The following GPATCH2 variants were observed in gnomAD, a reference collection of about 807,000 sequenced individuals.
GPATCH2 encodes G-patch domain containing 2.
A neutral mutation model predicts 58.0 loss-of-function variants in GPATCH2; 51 were observed. The observed-to-expected ratio is 0.88, with a 90% CI of 0.70 to 1.11. The LOEUF is 1.11. Among genes scored for constraint, GPATCH2 ranks in the 50% most tolerant of loss-of-function variants. GPATCH2 has a pLI of 0.00. For synonymous variants in GPATCH2, 222 were observed against 218.5 expected, an observed-to-expected ratio of 1.02 and a Z score of -0.14; for missense variants, 625 against 652.2, an observed-to-expected ratio of 0.96 and a Z score of 0.45.
chr1:217,547,407 C>T (rs1232705383), intron 5 of GPATCH2, among the ~76,000 whole-genome samples: 1 of 151,818 alleles, frequency 6.6e-6, no homozygotes, highest in African/African-American at 2.4e-5. Flanking sequence ...AAAAGGAACA[C>T]TTGTACACTG....
chr1:217,553,815 T>C (rs1025019528), intron 5 of GPATCH2, among the ~76,000 whole-genome samples: 3 of 152,174 alleles, frequency 2.0e-5, no homozygotes, highest in Non-Finnish European at 4.4e-5. Context: ...TGAAATACAA[T>C]GGCATTTTTA....
chr1:217,468,115 G>T (rs1263956726), intron 8 of GPATCH2, among the ~76,000 whole-genome samples: 1 of 152,198 alleles, frequency 6.6e-6, no homozygotes, highest in Non-Finnish European at 1.5e-5. Context: ...TTCCCTACAT[G>T]ATCTGTACCT....
chr1:217,571,950 GAGGAAGGA>G (rs36025374), intron 5 of GPATCH2, among the ~76,000 whole-genome samples: 1 of 137,350 alleles, frequency 7.3e-6, no homozygotes, highest in Non-Finnish European at 1.5e-5. Flanking sequence ...AAAGAAAAGG[GAGGAAGGA>G]AGGAAGGAAG....
chr1:217,576,243 T>TA (rs1471883032), intron 5 of GPATCH2, among the ~76,000 whole-genome samples: 1 of 152,182 alleles, frequency 6.6e-6, no homozygotes, highest in African/African-American at 2.4e-5. Flanking sequence ...TGTAATGAAT[T>TA]AAATTGAACC....
At chr1:217,487,528 C>A (rs965853376) in intron 8 of GPATCH2, among the ~76,000 whole-genome samples, 1 of 150,216 alleles carries the variant, frequency 6.7e-6, no homozygotes, top group Non-Finnish European at 1.5e-5. Flanking sequence ...CGGGTTCAGG[C>A]GATTCTCCTG....
chr1:217,495,380 T>C (rs1410248319), intron 7 of GPATCH2, among the ~76,000 whole-genome samples: 2 of 152,194 alleles, frequency 1.3e-5, no homozygotes, highest in African/African-American at 2.4e-5. Context: ...AGTGCTTCTA[T>C]TGGCAGCCAC....
At chr1:217,432,408 T>C (rs1658584569) in intron 9 of GPATCH2, among the ~76,000 whole-genome samples, 1 of 152,186 alleles carries the variant, frequency 6.6e-6, no homozygotes, top group South Asian at 2.1e-4. Context: ...TCAGAAGTAC[T>C]AGATATCTGA....
At chr1:217,622,516 C>G (rs1012847349) in intron 1 of GPATCH2, among the ~76,000 whole-genome samples, 3 of 152,114 alleles carry the variant, frequency 2.0e-5, no homozygotes, top group African/African-American at 7.2e-5. Context: ...TTTGATTTTT[C>G]CTTTCTAAGG....
At chr1:217,583,696 A>AT (rs1162975180) in intron 5 of GPATCH2, among the ~76,000 whole-genome samples, 3 of 152,080 alleles carry the variant, frequency 2.0e-5, no homozygotes, top group Admixed American at 1.3e-4. Flanking sequence ...GAAGCACAAC[A>AT]TAAAAAAAAG....
intron 5 of GPATCH2, among the ~76,000 whole-genome samples, chr1:217,523,944 G>A (rs183759467): frequency 0.038 from 3,569 of 94,524 alleles, 181 homozygotes; most frequent in East Asian, 0.11. Flanking sequence ...TTGGCCGGGC[G>A]GGGGGCTGAC....
intron 5 of GPATCH2, among the ~76,000 whole-genome samples, chr1:217,546,596 C>A (rs972018321): frequency 6.6e-6 from 1 of 152,106 alleles, no homozygotes; most frequent in Non-Finnish European, 1.5e-5. Flanking sequence ...ACAGCATATA[C>A]AAAAATTGTG....
chr1:217,471,716 T>G (rs543349461), intron 8 of GPATCH2, among the ~76,000 whole-genome samples: 30 of 152,202 alleles, frequency 2.0e-4, no homozygotes, highest in Non-Finnish European at 3.1e-4. Flanking sequence ...TGTCACTTTT[T>G]TTTTCATTTT....
At chr1:217,610,469 C>A in intron 4 of GPATCH2, 69 bp from the exon 5 acceptor site, 1 of 861,604 alleles carries the variant, frequency 1.2e-6, no homozygotes, top group Admixed American at 2.3e-5. Context: ...GAAGAGGATC[C>A]TATCAATAGA....
chr1:217,437,963 A>G (rs1658924850), intron 9 of GPATCH2, among the ~76,000 whole-genome samples: 3 of 152,180 alleles, frequency 2.0e-5, no homozygotes, highest in Non-Finnish European at 2.9e-5. Context: ...GCAGGGGTCG[A>G]CAGACACCTC....
intron 9 of GPATCH2, among the ~76,000 whole-genome samples, chr1:217,444,492 T>C (rs1264617745): frequency 6.6e-6 from 1 of 152,230 alleles, no homozygotes; most frequent in East Asian, 1.9e-4. Flanking sequence ...TTAAGTGTTT[T>C]CTCATTATTT....
At chr1:217,486,978 C>T (rs77318946) in intron 8 of GPATCH2, among the ~76,000 whole-genome samples, 1 of 152,128 alleles carries the variant, frequency 6.6e-6, no homozygotes, top group South Asian at 2.1e-4. Flanking sequence ...ACACTTAGAC[C>T]AGAGGTCTGA....
chr1:217,432,316 A>AAAAT (rs1295515030), intron 9 of GPATCH2, among the ~76,000 whole-genome samples: 1 of 131,906 alleles, frequency 7.6e-6, no homozygotes, highest in African/African-American at 3.2e-5. Context: ...GACATTTTCA[A>AAAAT]AAATAGACTT....
At chr1:217,601,974 G>T (rs1046489859) in intron 5 of GPATCH2, among the ~76,000 whole-genome samples, 1 of 152,122 alleles carries the variant, frequency 6.6e-6, no homozygotes, top group African/African-American at 2.4e-5. Context: ...TGGATGTCAT[G>T]CAAGAGTTGA....
chr1:217,488,223 A>T (rs550511634), intron 8 of GPATCH2, among the ~76,000 whole-genome samples: 134 of 152,160 alleles, frequency 8.8e-4, no homozygotes, highest in Non-Finnish European at 1.7e-3. Flanking sequence ...TGTTTTTACT[A>T]CCAGTTTGGA....
Sources: gnomAD v4.1 joint callset for allele counts (sites outside exome capture counted in the v4.1 genomes callset) on GRCh38, gnomAD v4.1.1 for gene constraint, MANE v1.5 for transcripts, NCBI Gene and HGNC (gene_info 2026-07-23, HGNC 2026-07-21) for gene names.